RBFOX1: variants seen among roughly 807,000 people sequenced by gnomAD.
RBFOX1 encodes the protein RNA binding fox-1 homolog 1, also known as RNA binding protein fox-1 homolog 1.
Under a neutral mutation model 57.7 loss-of-function variants are expected in RBFOX1, and 8 were observed. The ratio of observed to expected loss-of-function variants is 0.14; its 90% CI spans 0.08 to 0.25. The LOEUF is 0.25. Ranked by LOEUF, RBFOX1 falls within the 10% of genes least tolerant of loss-of-function variation. The pLI is 1.00. For missense variants in RBFOX1, 611 were observed against 548.5 expected (o/e 1.11, Z -1.14); for synonymous variants, 326 against 222.4 (o/e 1.47, Z -4.15).
intron 2 of RBFOX1, among the ~76,000 whole-genome samples, chr16:6,445,545 C>T (rs982355094): frequency 1.4e-5 from 2 of 148,034 alleles, no homozygotes; most frequent in African/African-American, 5.0e-5. Flanking sequence ...AGCTTATTAA[C>T]CTTGCCTCTG....
chr16:7,205,305 G>T (rs756233213), intron 4 of RBFOX1, among the ~76,000 whole-genome samples: 1 of 152,060 alleles, frequency 6.6e-6, no homozygotes, highest in East Asian at 1.9e-4. Context: ...ATCACTTGAT[G>T]TCAGGAGTTC....
intron 3 of RBFOX1, among the ~76,000 whole-genome samples, chr16:5,727,076 T>A (rs1046711243): frequency 1.3e-5 from 2 of 152,146 alleles, no homozygotes; most frequent in Non-Finnish European, 2.9e-5. Flanking sequence ...CTGGCCCACA[T>A]GGTAAAACCC....
At chr16:7,013,912 C>A (rs535709657) in intron 3 of RBFOX1, among the ~76,000 whole-genome samples, 1 of 152,174 alleles carries the variant, frequency 6.6e-6, no homozygotes, top group Non-Finnish European at 1.5e-5. Flanking sequence ...CCTGCCTCAG[C>A]CTCCCAAAGG....
At chr16:5,286,794 A>T (rs1233286020) in intron 1 of RBFOX1, among the ~76,000 whole-genome samples, 1 of 152,250 alleles carries the variant, frequency 6.6e-6, no homozygotes, top group East Asian at 1.9e-4. Flanking sequence ...GTACCATCGT[A>T]GCCTAAAAGC....
At chr16:6,550,263 C>T (rs1339913781) in intron 2 of RBFOX1, among the ~76,000 whole-genome samples, 4 of 152,072 alleles carry the variant, frequency 2.6e-5, no homozygotes, top group Admixed American at 6.5e-5. Flanking sequence ...CTGCAACCTC[C>T]GCCTCCCAGG....
intron 2 of RBFOX1, among the ~76,000 whole-genome samples, chr16:5,502,249 A>G (rs140552172): frequency 2.5e-3 from 378 of 152,240 alleles, no homozygotes; most frequent in African/African-American, 8.8e-3. Context: ...AATCTTTAGG[A>G]AGAACGGCAG....
chr16:7,409,531 G>A (rs1033925186), intron 4 of RBFOX1, among the ~76,000 whole-genome samples: 8 of 152,150 alleles, frequency 5.3e-5, no homozygotes, highest in Non-Finnish European at 7.3e-5. Flanking sequence ...TCCTGGTTTC[G>A]ATTATTTTGC....
At chr16:5,529,576 T>TTC (rs2044380251) in intron 2 of RBFOX1, among the ~76,000 whole-genome samples, 1 of 150,952 alleles carries the variant, frequency 6.6e-6, no homozygotes, top group South Asian at 2.1e-4. Context: ...TATGTATTTT[T>TTC]TTTTTTTGAG....
At chr16:6,867,703 T>C (rs1261718246) in intron 3 of RBFOX1, among the ~76,000 whole-genome samples, 1 of 152,100 alleles carries the variant, frequency 6.6e-6, no homozygotes, top group Non-Finnish European at 1.5e-5. Flanking sequence ...CAAGACTCTG[T>C]CTCAGAAGGA....
At chr16:5,562,228 G>A (rs1203232076) in intron 2 of RBFOX1, among the ~76,000 whole-genome samples, 1 of 152,162 alleles carries the variant, frequency 6.6e-6, no homozygotes, top group Admixed American at 6.5e-5. Flanking sequence ...GACACCATCC[G>A]TGGCAAAGTG....
intron 2 of RBFOX1, among the ~76,000 whole-genome samples, chr16:6,345,288 TC>T (rs1338060075): frequency 6.6e-6 from 1 of 152,180 alleles, no homozygotes; most frequent in African/African-American, 2.4e-5. Context: ...TGCGTACTGC[TC>T]CTTACAGAGC....
intron 3 of RBFOX1, among the ~76,000 whole-genome samples, chr16:6,752,196 G>T (rs1249909087): frequency 1.3e-5 from 2 of 152,114 alleles, no homozygotes; most frequent in African/African-American, 2.4e-5. Flanking sequence ...AGCATGTGCT[G>T]GCTTTGTTCC....
intron 4 of RBFOX1, among the ~76,000 whole-genome samples, chr16:5,873,489 A>G (rs915911282): frequency 2.0e-5 from 3 of 152,178 alleles, no homozygotes; most frequent in African/African-American, 7.2e-5. Flanking sequence ...ACTCTAAACA[A>G]TCATGTGGTC....
intron 5 of RBFOX1, among the ~76,000 whole-genome samples, chr16:7,535,979 C>A (rs2081367211): frequency 6.6e-6 from 1 of 152,150 alleles, no homozygotes; most frequent in African/African-American, 2.4e-5. Flanking sequence ...GTGAATAAGA[C>A]AGACATAGCT....
intron 4 of RBFOX1, among the ~76,000 whole-genome samples, chr16:7,119,835 C>G (rs2066720249): frequency 1.3e-5 from 2 of 152,110 alleles, no homozygotes; most frequent in South Asian, 4.1e-4. Context: ...TACTGAACAA[C>G]ACCATCAGCC....
chr16:6,501,804 G>T (rs1233685336), intron 2 of RBFOX1, among the ~76,000 whole-genome samples: 1 of 146,484 alleles, frequency 6.8e-6, no homozygotes, highest in African/African-American at 2.5e-5. Context: ...ATTCCTCCAG[G>T]CTCTTTGCTG....
chr16:6,028,509 T>TAAAAAAAAAA (rs36218292), intron 1 of RBFOX1, among the ~76,000 whole-genome samples: 10 of 104,518 alleles, frequency 9.6e-5, no homozygotes, highest in African/African-American at 3.5e-4. Context: ...CTGTCTCTGT[T>TAAAAAAAAAA]AAAAAAAAAA....
chr16:5,566,568 T>TTATATA (rs144434717), intron 2 of RBFOX1, among the ~76,000 whole-genome samples: 1 of 149,784 alleles, frequency 6.7e-6, no homozygotes. Flanking sequence ...AGGAAAGTAG[T>TTATATA]TATATATATA....
chr16:6,268,074 G>T (rs1433788108), intron 1 of RBFOX1, among the ~76,000 whole-genome samples: 1 of 152,146 alleles, frequency 6.6e-6, no homozygotes. Context: ...ATGTATTAAT[G>T]GCCTTGCACT....
Sources: gnomAD v4.1 joint callset for allele counts (sites outside exome capture counted in the v4.1 genomes callset) on GRCh38, gnomAD v4.1.1 for gene constraint, MANE v1.5 for transcripts, NCBI Gene and HGNC (gene_info 2026-07-23, HGNC 2026-07-21) for gene names.